The following HS3ST2 variants were observed in gnomAD, a reference collection of about 807,000 sequenced individuals.
HS3ST2 encodes heparan sulfate glucosamine 3-O-sulfotransferase 2.
In HS3ST2, 17 loss-of-function variants were observed where a neutral mutation model predicts 26.3. The observed-to-expected ratio is 0.65, with a 90% CI of 0.44 to 0.97. HS3ST2 has a LOEUF of 0.97. Among genes scored for constraint, HS3ST2 ranks in the 50% least tolerant of loss-of-function variants. The pLI is 0.00. For missense variants in HS3ST2, 402 were observed against 501.2 expected, an observed-to-expected ratio of 0.80 and a Z score of 1.89; for synonymous variants, 237 against 219.2, an observed-to-expected ratio of 1.08 and a Z score of -0.72.
intron 1 of HS3ST2, among the ~76,000 whole-genome samples, chr16:22,878,587 A>G (rs1901949032): frequency 1.3e-5 from 2 of 151,920 alleles, no homozygotes; most frequent in Middle Eastern, 6.8e-3. Context: ...ACTGAAGGAT[A>G]TGAAGCGGGG....
In HS3ST2 at chr16:22,897,106, C is replaced by A. The variant is rs572417598; in HGVS notation, c.486-17838C>A. Among the ~76,000 whole-genome samples the A allele has an allele frequency of 4.5e-4, 69 of 152,340 alleles. 1 individual carries two copies. In the South Asian group the frequency reaches 0.012, roughly 27 times the overall value. On this transcript the variant is annotated intron_variant, in intron 1 of 1. Coordinates refer to ENST00000261374, the MANE Select transcript of HS3ST2 (RefSeq NM_006043.2). ...TTACAGGCGTGTGCCACCACGCTAG[C>A]CTTGTCTTTTTGCCTAAGCCTATGC... is the stretch of plus-strand genomic sequence containing the variant.
chr16:22,915,120 A>G lies in HS3ST2; in HGVS notation c.662A>G (p.Lys221Arg). The G allele has an allele frequency of 6.2e-7, 1 of 1,614,090 alleles. No homozygotes were observed. Among genetic ancestry groups the G allele is most frequent in the East Asian group, 2.2e-5 (1 of 44,886 alleles). ...AISDYTQTLS[K>R]KPDIPTFEGL... ...TCTGATTACACGCAGACACTCTCCA[A>G]GAAGCCCGACATCCCGACCTTTGAG... Residue 221 changes from lysine (K) to arginine (R), a missense_variant, in exon 2 of 2, where the codon AAG (lysine) becomes AGG (arginine). By Grantham distance (26) the Lys-to-Arg change is conservative (BLOSUM62 2). Coordinates refer to ENST00000261374, the MANE Select transcript of HS3ST2 (RefSeq NM_006043.2).
chr16:22,827,359 G>A (rs540120353), intron 1 of HS3ST2, among the ~76,000 whole-genome samples: 1 of 152,258 alleles, frequency 6.6e-6, no homozygotes, highest in East Asian at 1.9e-4. Flanking sequence ...CAGGACTATT[G>A]GCTAGTGTTG....
At chr16:22,828,857 A>G (rs908889021) in intron 1 of HS3ST2, among the ~76,000 whole-genome samples, 3 of 152,320 alleles carry the variant, frequency 2.0e-5, no homozygotes, top group East Asian at 3.9e-4. Context: ...ATCTCCATTA[A>G]CAAGAAATCC....
intron 1 of HS3ST2, among the ~76,000 whole-genome samples, chr16:22,852,260 T>C (rs1046491022): frequency 6.6e-6 from 1 of 152,182 alleles, no homozygotes; most frequent in African/African-American, 2.4e-5. Flanking sequence ...CTAAATGAGC[T>C]CCTAGTGTAG....
intron 1 of HS3ST2, among the ~76,000 whole-genome samples, chr16:22,869,896 G>A (rs531354867): frequency 2.6e-5 from 4 of 152,200 alleles, no homozygotes; most frequent in Admixed American, 6.5e-5. Context: ...TGAAGGCAAA[G>A]CCTCAGAGTT....
At chr16:22,839,741 G>A (rs928755147) in intron 1 of HS3ST2, among the ~76,000 whole-genome samples, 4 of 151,758 alleles carry the variant, frequency 2.6e-5, no homozygotes, top group Non-Finnish European at 4.4e-5. Context: ...TCTTACCCTC[G>A]TTTTGCTCAT....
chr16:22,842,062 C>CTTTTTTTT (rs11285807), intron 1 of HS3ST2, among the ~76,000 whole-genome samples: 9 of 111,760 alleles, frequency 8.1e-5, no homozygotes, highest in Non-Finnish European at 1.1e-4. Context: ...TCTTTTCTTT[C>CTTTTTTTT]TTTTTTTTTT....
Position 22,906,515 on chromosome 16 carries a change from C to T in HS3ST2, c.486-8429C>T, listed in dbSNP as rs1022699169. Reference sequence around the variant, plus strand: ...GGTCCTGGCATGCAGCTTAACTTCACCACCCCTTCCCCACCAGCCACAGGG... The same window carrying T: ...GGTCCTGGCATGCAGCTTAACTTCATCACCCCTTCCCCACCAGCCACAGGG... On this transcript the variant is annotated intron_variant, in intron 1 of 1. Transcript: ENST00000261374. 1.1e-4 allele frequency among the ~76,000 whole-genome samples: 17 copies of T among 152,332 alleles called. 1 individual carries two copies. The highest frequency in any genetic ancestry group is 6.8e-3 in the Middle Eastern group (2 of 294).
At chr16:22,899,881 G>A (rs1296158127) in intron 1 of HS3ST2, among the ~76,000 whole-genome samples, 1 of 152,192 alleles carries the variant, frequency 6.6e-6, no homozygotes. Context: ...GGAATTACGG[G>A]AGCTACAATT....
At chr16:22,892,844 T>C (rs1902148580) in intron 1 of HS3ST2, among the ~76,000 whole-genome samples, 1 of 152,220 alleles carries the variant, frequency 6.6e-6, no homozygotes, top group Non-Finnish European at 1.5e-5. Flanking sequence ...GTTGGCTCTT[T>C]TCATTAATAT....
chr16:22,852,185 A>G (rs1229332573), intron 1 of HS3ST2, among the ~76,000 whole-genome samples: 1 of 152,222 alleles, frequency 6.6e-6, no homozygotes, highest in Non-Finnish European at 1.5e-5. Flanking sequence ...TGAGCAGGAC[A>G]GCCCCCATCT....
intron 1 of HS3ST2, among the ~76,000 whole-genome samples, chr16:22,890,780 G>A (rs912695317): frequency 3.3e-5 from 5 of 152,206 alleles, no homozygotes; most frequent in African/African-American, 1.2e-4. Flanking sequence ...AGAGTCTGTA[G>A]GTTTAACCAC....
In HS3ST2 at chr16:22,915,428, C is replaced by T. The variant is rs1902481503; in HGVS notation, c.970C>T (p.Arg324Ter). The change falls in exon 2 of 2, where the codon CGA becomes TGA. Residue 324 changes from arginine (R) to a stop codon, truncating the protein, a stop_gained. Transcript: ENST00000261374. LOFTEE classifies it high-confidence loss of function. ...LKKTESSLLP[R>*]CLGKSKGRTH... is the part of the protein sequence containing the mutation. ...AAAAACAGAATCGAGCCTCCTGCCT[C>T]GATGCTTGGGCAAATCAAAAGGGAG... is the stretch of plus-strand genomic sequence containing the variant. 1.2e-6 allele frequency: 2 copies of T among 1,613,818 alleles called. No homozygotes were observed. The highest frequency in any genetic ancestry group is 1.1e-5 in the South Asian group (1 of 91,046).
chr16:22,890,433 T>A (rs925708144), intron 1 of HS3ST2, among the ~76,000 whole-genome samples: 1 of 152,268 alleles, frequency 6.6e-6, no homozygotes, highest in Non-Finnish European at 1.5e-5. Flanking sequence ...ACAATGTGAA[T>A]GTTCTTTGTG....
intron 1 of HS3ST2, among the ~76,000 whole-genome samples, chr16:22,908,659 C>T (rs1479382521): frequency 3.9e-5 from 6 of 152,080 alleles, no homozygotes; most frequent in Non-Finnish European, 7.4e-5. Context: ...TATAAAGACA[C>T]CACTTCCACT....
At position 22,866,323 on chromosome 16, in the gene HS3ST2, G is replaced by A. The variant is rs534276501; in HGVS notation, c.486-48621G>A. 5.7e-3 allele frequency among the ~76,000 whole-genome samples: 845 copies of A among 148,280 alleles called. 12 individuals carry two copies. The highest frequency in any genetic ancestry group is 0.02 in the African/African-American group (783 of 39,056). On this transcript the variant is annotated intron_variant, in intron 1 of 1. Coordinates refer to ENST00000261374, the MANE Select transcript of HS3ST2 (RefSeq NM_006043.2). Reference sequence around the variant, plus strand: ...AGAATTCGCGCAAGCACGTGCGCGCGCGCGCACACACACACACACACTAAC... The same window carrying A: ...AGAATTCGCGCAAGCACGTGCGCGCACGCGCACACACACACACACACTAAC...
chr16:22,825,947 T>C (rs1291555210), intron 1 of HS3ST2, among the ~76,000 whole-genome samples: 1 of 152,132 alleles, frequency 6.6e-6, no homozygotes, highest in African/African-American at 2.4e-5. Flanking sequence ...CACTTGAACC[T>C]TGGAGGCAGA....
intron 1 of HS3ST2, among the ~76,000 whole-genome samples, chr16:22,888,858 C>T (rs1481948967): frequency 6.6e-6 from 1 of 152,180 alleles, no homozygotes; most frequent in African/African-American, 2.4e-5. Flanking sequence ...GAGTGAGGTG[C>T]CACTACCTCA....
Sources: allele counts gnomAD v4.1 joint callset (sites outside exome capture counted in the v4.1 genomes callset), GRCh38; gene constraint gnomAD v4.1.1; transcripts MANE v1.5; gene names NCBI Gene and HGNC (gene_info 2026-07-23, HGNC 2026-07-21).